QTMAN: variants seen among roughly 807,000 people sequenced by gnomAD.
The protein encoded by QTMAN is queuosine-tRNA mannosyltransferase, also known as tRNA-queuosine alpha-mannosyltransferase.
chr2:143,981,883 C>G, the QTMAN span, among the ~76,000 whole-genome samples: 71 of 152,234 alleles, frequency 4.7e-4, no homozygotes, highest in Middle Eastern at 3.4e-3. Context: ...CATGTCTCCT[C>G]TCTTCTGTAT....
the QTMAN span, among the ~76,000 whole-genome samples, chr2:144,213,091 C>A: frequency 1.3e-5 from 2 of 152,244 alleles, no homozygotes; most frequent in Non-Finnish European, 2.9e-5. Context: ...TGAAAAATCA[C>A]CATTAGCATC....
the QTMAN span, among the ~76,000 whole-genome samples, chr2:143,985,011 A>C: frequency 1.6e-4 from 25 of 152,176 alleles, no homozygotes; most frequent in Non-Finnish European, 7.3e-5. Flanking sequence ...GAGCTGGTTA[A>C]CCTTAGCCAT....
At chr2:144,314,891 A>G in the QTMAN span, among the ~76,000 whole-genome samples, 6 of 152,036 alleles carry the variant, frequency 3.9e-5, no homozygotes. Context: ...ATTTTTATGT[A>G]TTTATTTATT....
At chr2:144,159,186 C>T in the QTMAN span, among the ~76,000 whole-genome samples, 118 of 152,082 alleles carry the variant, frequency 7.8e-4, 1 homozygote, top group Middle Eastern at 0.014. Flanking sequence ...AGTAAATTTA[C>T]TTGTTCTATA....
At chr2:144,037,279 A>G in the QTMAN span, among the ~76,000 whole-genome samples, 1 of 152,224 alleles carries the variant, frequency 6.6e-6, no homozygotes, top group African/African-American at 2.4e-5. Flanking sequence ...TAAAATGGTT[A>G]ATTTTACACT....
the QTMAN span, among the ~76,000 whole-genome samples, chr2:144,014,182 T>C: frequency 6.6e-6 from 1 of 152,176 alleles, no homozygotes; most frequent in East Asian, 1.9e-4. Context: ...TAACAGCTAA[T>C]ATTCATAAAA....
chr2:144,134,532 T>C, the QTMAN span, among the ~76,000 whole-genome samples: 1 of 152,130 alleles, frequency 6.6e-6, no homozygotes, highest in African/African-American at 2.4e-5. Flanking sequence ...TAAAATCTAC[T>C]ACAAATTGAG....
the QTMAN span, among the ~76,000 whole-genome samples, chr2:144,243,301 T>A: frequency 3.3e-5 from 5 of 152,106 alleles, no homozygotes; most frequent in Non-Finnish European, 5.9e-5. Flanking sequence ...GTATAACATC[T>A]TCTTCTTTAG....
the QTMAN span, among the ~76,000 whole-genome samples, chr2:144,308,691 C>T: frequency 2.6e-5 from 4 of 151,974 alleles, no homozygotes; most frequent in African/African-American, 9.7e-5. Flanking sequence ...ATTTGCCGGA[C>T]GCGGTGGCTC....
chr2:144,289,598 G>GTT, the QTMAN span, among the ~76,000 whole-genome samples: 2 of 152,168 alleles, frequency 1.3e-5, no homozygotes, highest in Admixed American at 6.5e-5. Context: ...GGAGAAAATA[G>GTT]CTGTTTAACC....
At chr2:144,091,064 T>C in the QTMAN span, among the ~76,000 whole-genome samples, 1 of 151,964 alleles carries the variant, frequency 6.6e-6, no homozygotes, top group Non-Finnish European at 1.5e-5. Flanking sequence ...CCATTGATTT[T>C]CAACAAAGTT....
the QTMAN span, among the ~76,000 whole-genome samples, chr2:144,332,196 G>A: frequency 1.3e-5 from 2 of 151,868 alleles, no homozygotes; most frequent in Admixed American, 1.3e-4. Flanking sequence ...GCCCCATTCC[G>A]AGCGCGGTGC....
At chr2:144,308,094 T>G in the QTMAN span, among the ~76,000 whole-genome samples, 2 of 151,852 alleles carry the variant, frequency 1.3e-5, no homozygotes. Flanking sequence ...CAGTGTTATG[T>G]TGGCATGATA....
chr2:144,049,259 A>G, the QTMAN span, among the ~76,000 whole-genome samples: 1 of 152,184 alleles, frequency 6.6e-6, no homozygotes, highest in South Asian at 2.1e-4. Flanking sequence ...TGTTCACAGC[A>G]TTACACGTTT....
the QTMAN span, among the ~76,000 whole-genome samples, chr2:144,171,491 A>AT: frequency 1.3e-5 from 2 of 152,200 alleles, no homozygotes; most frequent in Non-Finnish European, 2.9e-5. Flanking sequence ...TGTCAAAATA[A>AT]TGCTGCCCAA....
chr2:144,096,939 G>A, the QTMAN span, among the ~76,000 whole-genome samples: 1 of 152,222 alleles, frequency 6.6e-6, no homozygotes, highest in African/African-American at 2.4e-5. Context: ...TTTCTTTAGA[G>A]AGAATAAACG....
the QTMAN span, among the ~76,000 whole-genome samples, chr2:144,315,227 C>T: frequency 6.6e-6 from 1 of 152,118 alleles, no homozygotes; most frequent in Non-Finnish European, 1.5e-5. Context: ...CCTTACTTCT[C>T]GAGGATGGCA....
the QTMAN span, among the ~76,000 whole-genome samples, chr2:144,216,901 C>T: frequency 3.9e-5 from 6 of 152,046 alleles, no homozygotes; most frequent in African/African-American, 1.4e-4. Flanking sequence ...AAGCCAATTC[C>T]CTCACCATCA....
At chr2:144,244,977 A>C in the QTMAN span, among the ~76,000 whole-genome samples, 2 of 152,338 alleles carry the variant, frequency 1.3e-5, no homozygotes, top group East Asian at 3.9e-4. Context: ...TACATGCATG[A>C]TCTCAGACAA....
Sources: allele counts gnomAD v4.1 joint callset (sites outside exome capture counted in the v4.1 genomes callset), GRCh38; gene constraint gnomAD v4.1.1; transcripts MANE v1.5; gene names NCBI Gene and HGNC (gene_info 2026-07-23, HGNC 2026-07-21).